LRRC31: variants seen among roughly 807,000 people sequenced by gnomAD.
LRRC31 encodes the protein leucine rich repeat containing 31.
LRRC31 carries 35 observed loss-of-function variants against 46.7 expected under a neutral mutation model. The ratio of observed to expected loss-of-function variants is 0.75; its 90% confidence interval spans 0.57 to 0.99. The LOEUF (loss-of-function observed/expected upper bound fraction) is 0.99. Among genes scored for constraint, LRRC31 ranks in the 50% least tolerant of loss-of-function variants. The pLI, the probability that LRRC31 is intolerant of heterozygous loss-of-function variation, is 0.00. For synonymous variants in LRRC31, 236 were observed against 235.1 expected (o/e 1.00, Z -0.03); for missense variants, 613 against 626.1 (o/e 0.98, Z 0.22).
chr3:169,866,923 C>T (rs1781348363), intron 1 of LRRC31, among the ~76,000 whole-genome samples: 1 of 151,844 alleles, frequency 6.6e-6, no homozygotes, highest in African/African-American at 2.4e-5. Flanking sequence ...GATCACACTG[C>T]TGCACTCCAG....
At position 169,857,415 on chromosome 3, in the gene LRRC31, C is replaced by CATATATATATATATATATATAT. The variant is rs1553924970; in HGVS notation, c.488-544_488-543insATATATATATATATATATATAT. Among the ~76,000 whole-genome samples, 213 of 98,634 alleles carry CATATATATATATATATATATAT rather than the reference C, an allele frequency of 2.2e-3. 9 individuals carry two copies. The highest frequency in any genetic ancestry group is 7.1e-3 in the African/African-American group (197 of 27,586). The allele number at this position is 98,634 out of a possible 152,430, so 64.7% of individuals were successfully genotyped here. On this transcript the variant is annotated intron_variant, in intron 3 of 8. Transcript: ENST00000316428. ...ATACATACACACACATATACATATA[C>CATATATATATATATATATATAT]ATATATATATATATGAGGAATATCA...
intron 6 of LRRC31, among the ~76,000 whole-genome samples, chr3:169,854,374 C>T (rs538756212): frequency 7.2e-5 from 11 of 152,292 alleles, no homozygotes; most frequent in Admixed American, 1.3e-4. Flanking sequence ...AAAGCAGTAA[C>T]GTACAGCCAT....
At chr3:169,852,881 T>C (rs190060802) in intron 6 of LRRC31, among the ~76,000 whole-genome samples, 9 of 152,310 alleles carry the variant, frequency 5.9e-5, no homozygotes, top group Admixed American at 5.2e-4. Flanking sequence ...TTTTCTGTCT[T>C]CCCTCACTAA....
At position 169,856,456 on chromosome 3, in the gene LRRC31, T is replaced by C. The variant is rs374351634; in HGVS notation, c.703A>G (p.Ile235Val). The C allele has an allele frequency of 2.2e-5, 36 of 1,605,580 alleles. No homozygotes were observed. The African/African-American group carries it at 4.0e-4, about 18-fold the overall frequency. Residue 235 changes from isoleucine to valine, a missense_variant, in exon 5 of 9, where the codon ATT becomes GTT. Ile to Val is a conservative substitution (Grantham distance 29, BLOSUM62 3). Coordinates refer to ENST00000316428, the MANE Select transcript of LRRC31 (RefSeq NM_024727.4). ...AGACTGCCAACAATGTCTCTGTTAA[T>C]GGAAAGATCAAGTACTTCGAGACTT... ...LQSLEVLDLS[I>V]NRDIVGSLNS...
Position 169,866,175 on chromosome 3 carries a change from G to A in LRRC31, c.175+3458C>T, listed in dbSNP as rs1166843387. Among the ~76,000 whole-genome samples, 9 of 152,318 alleles carry A rather than the reference G, an allele frequency of 5.9e-5. No homozygotes were observed. In the East Asian group the frequency reaches 1.7e-3, roughly 29 times the overall value. The stretch of plus-strand genomic sequence containing the variant: ...GAAAGAGCATTATGGCAGTGTAGAG[G>A]ACAGATTGGCAAGAGAGCAAGACTG... On this transcript the variant is annotated intron_variant, in intron 1 of 8. Transcript: ENST00000316428.
chr3:169,849,825 G>A (rs1450931260), intron 7 of LRRC31, among the ~76,000 whole-genome samples: 1 of 152,220 alleles, frequency 6.6e-6, no homozygotes, highest in Non-Finnish European at 1.5e-5. Context: ...TGTTGTCTGT[G>A]CAAACAGGTT....
intron 7 of LRRC31, among the ~76,000 whole-genome samples, chr3:169,850,746 G>A (rs1780735197): frequency 6.6e-6 from 1 of 152,100 alleles, no homozygotes; most frequent in South Asian, 2.1e-4. Flanking sequence ...TAAAGTTCTT[G>A]GAAAGGGGCC....
intron 1 of LRRC31, among the ~76,000 whole-genome samples, chr3:169,867,320 C>G (rs1317024353): frequency 7.1e-6 from 1 of 140,422 alleles, no homozygotes; most frequent in Admixed American, 7.5e-5. Flanking sequence ...CGCAGTGGTG[C>G]AATCTTGGCT....
At chr3:169,866,458 T>A (rs9290376) in intron 1 of LRRC31, among the ~76,000 whole-genome samples, 41,437 of 152,114 alleles carry the variant, frequency 0.27, 8,482 homozygotes, top group African/African-American at 0.58. Flanking sequence ...TTATTCATTA[T>A]CTTCTTTCCT....
At chr3:169,859,261 C>A (rs1404357847) in intron 3 of LRRC31, among the ~76,000 whole-genome samples, 2 of 147,022 alleles carry the variant, frequency 1.4e-5, no homozygotes, top group Non-Finnish European at 1.5e-5. Flanking sequence ...CACCACTGCA[C>A]TCCAGCCTGG....
intron 1 of LRRC31, among the ~76,000 whole-genome samples, chr3:169,867,508 C>T (rs1330190806): frequency 4.6e-5 from 7 of 152,106 alleles, no homozygotes; most frequent in East Asian, 1.9e-4. Context: ...ATGCCTGCCT[C>T]GGCCTCCCAA....
chr3:169,839,678 A>G lies in LRRC31; in HGVS notation c.*304T>C, dbSNP rs983161651. 1 of 152,376 alleles carries G rather than the reference A, an allele frequency of 6.6e-6. No individual in the cohort carries two copies. The highest frequency in any genetic ancestry group is 2.4e-5 in the African/African-American group (1 of 41,332). 9.4% of individuals were successfully genotyped at this position (152,376 alleles called of 1,614,324 possible). On this transcript the variant is annotated 3_prime_UTR_variant, in exon 9 of 9. Transcript: ENST00000316428. ...TAAACAGCAAATGAACTAATTATATATCCAAAACAAATCCATTGAAAAATG... is the reference window on the plus strand; with the variant it reads ...TAAACAGCAAATGAACTAATTATATGTCCAAAACAAATCCATTGAAAAATG...
chr3:169,848,747 C>T (rs1450833030), intron 7 of LRRC31, among the ~76,000 whole-genome samples: 4 of 152,194 alleles, frequency 2.6e-5, no homozygotes, highest in South Asian at 4.1e-4. Flanking sequence ...TGAACCACCG[C>T]GCCCAGCCTG....
intron 8 of LRRC31, among the ~76,000 whole-genome samples, chr3:169,845,174 A>G (rs1780567594): frequency 6.6e-6 from 1 of 152,186 alleles, no homozygotes; most frequent in African/African-American, 2.4e-5. Context: ...AAATTTAACA[A>G]AATATAAAAA....
chr3:169,852,418 A>AC lies in LRRC31; in HGVS notation c.992-633_992-632insG, dbSNP rs1424799261. Among the ~76,000 whole-genome samples, 4 of 150,808 alleles carry AC rather than the reference A, an allele frequency of 2.7e-5. 1 individual carries two copies. The highest frequency in any genetic ancestry group is 1.9e-4 in the East Asian group (1 of 5,168). On this transcript the variant is annotated intron_variant, in intron 6 of 8. Coordinates refer to ENST00000316428, the MANE Select transcript of LRRC31 (RefSeq NM_024727.4). Reference sequence around the variant, plus strand: ...ACTCCGTCTCAAAAAAAAAAAAAAAAAAAAAAAAAAAAACTCTTAGCCTTC... The same window carrying AC: ...ACTCCGTCTCAAAAAAAAAAAAAAAACAAAAAAAAAAAAACTCTTAGCCTTC...
In LRRC31 at chr3:169,851,643, C is replaced by T. The variant is rs374678883; in HGVS notation, c.1135G>A (p.Glu379Lys). 4 of 1,614,136 alleles carry T rather than the reference C, an allele frequency of 2.5e-6. No individual in the cohort carries two copies. The African/African-American group carries it at 4.0e-5, about 16-fold the overall frequency. Reference protein sequence around the residue: ...KSLVINNCALESETFTALAEA... With the variant: ...KSLVINNCALKSETFTALAEA... ...CCAAGAGCTGTAAAAGTCTCACTCT[C>T]CAAAGCACAGTTGTTGATAACTAAT... The change falls in exon 7 of 9, where the codon GAG becomes AAG. Residue 379 changes from glutamate (E) to lysine (K), a missense_variant. Physicochemically the swap from Glu to Lys is moderately conservative, Grantham distance 56 (BLOSUM62 1). Coordinates refer to ENST00000316428, the MANE Select transcript of LRRC31 (RefSeq NM_024727.4).
At chr3:169,865,873 G>A (rs1381359880) in intron 1 of LRRC31, among the ~76,000 whole-genome samples, 1 of 152,110 alleles carries the variant, frequency 6.6e-6, no homozygotes, top group Non-Finnish European at 1.5e-5. Flanking sequence ...GGGGAGGATG[G>A]TGACACGAGG....
intron 3 of LRRC31, among the ~76,000 whole-genome samples, 153 bp downstream of exon 3, chr3:169,860,408 A>G (rs969261467): frequency 3.3e-5 from 5 of 151,858 alleles, no homozygotes; most frequent in Non-Finnish European, 7.4e-5. Flanking sequence ...TTTGTATTTT[A>G]GTAGAGACAG....
At chr3:169,844,274 G>T (rs1780535857) in intron 8 of LRRC31, among the ~76,000 whole-genome samples, 1 of 152,062 alleles carries the variant, frequency 6.6e-6, no homozygotes, top group Non-Finnish European at 1.5e-5. Flanking sequence ...TGACCAGGCT[G>T]ATTTAACATT....
Sources: gnomAD v4.1 joint callset for allele counts (sites outside exome capture counted in the v4.1 genomes callset) on GRCh38, gnomAD v4.1.1 for gene constraint, MANE v1.5 for transcripts, NCBI Gene and HGNC (gene_info 2026-07-23, HGNC 2026-07-21) for gene names.